OGFOD1: variants seen among roughly 807,000 people sequenced by gnomAD.
OGFOD1 encodes the protein 2-oxoglutarate and iron dependent oxygenase domain containing 1, also known as prolyl 3-hydroxylase OGFOD1.
OGFOD1 carries 54 observed loss-of-function variants against 67.7 expected under a neutral mutation model. The observed-to-expected ratio is 0.80, with a 90% CI of 0.64 to 1.00. OGFOD1 has a LOEUF of 1.00. Ranked by LOEUF, OGFOD1 falls within the 50% of genes least tolerant of loss-of-function variation. The pLI is 0.00. For missense variants in OGFOD1, 606 were observed against 646.7 expected, an observed-to-expected ratio of 0.94 and a Z score of 0.68; for synonymous variants, 221 against 227.0, an observed-to-expected ratio of 0.97 and a Z score of 0.24.
intron 3 of OGFOD1, among the ~76,000 whole-genome samples, chr16:56,461,949 C>T (rs945534175): frequency 1.4e-4 from 21 of 151,982 alleles, no homozygotes; most frequent in Admixed American, 2.0e-4. Flanking sequence ...AAAAATTAGC[C>T]GGGCGTGCTG....
intron 7 of OGFOD1, 57 bp from the exon 8 acceptor site, chr16:56,467,848 G>A: frequency 2.4e-6 from 2 of 842,130 alleles, no homozygotes; most frequent in Non-Finnish European, 4.2e-6. Flanking sequence ...AATGATGTAA[G>A]AGCAAAAGCA....
Position 56,465,859 on chromosome 16 carries a change from T to A in OGFOD1, c.449-293T>A, listed in dbSNP as rs142550597. Reference sequence around the variant, plus strand: ...AGACACTGTCGGATGCTATTTTTTTTAAAGTAAATACATATATGTAGGAAA... The same window carrying A: ...AGACACTGTCGGATGCTATTTTTTTAAAAGTAAATACATATATGTAGGAAA... On this transcript the variant is annotated intron_variant, in intron 4 of 12. Transcript: ENST00000566157. 79 of 255,134 alleles carry A rather than the reference T, an allele frequency of 3.1e-4. No individual in the cohort carries two copies. In the East Asian group the frequency reaches 3.2e-3, roughly 10 times the overall value. 15.8% of individuals were successfully genotyped at this position (255,134 alleles called of 1,614,324 possible).
intron 3 of OGFOD1, among the ~76,000 whole-genome samples, chr16:56,460,428 G>GGAT: frequency 6.6e-6 from 1 of 152,238 alleles, no homozygotes; most frequent in African/African-American, 2.4e-5. Flanking sequence ...AATGTTACCA[G>GGAT]TAAAGGATTT....
Position 56,462,519 on chromosome 16 carries a change from T to G in OGFOD1, c.348-15T>G. 1 of 1,545,138 alleles carries G rather than the reference T, an allele frequency of 6.5e-7. No individual in the cohort carries two copies. Among genetic ancestry groups the G allele is most frequent in the African/African-American group, 1.4e-5 (1 of 73,746 alleles). On this transcript the variant is annotated splice_polypyrimidine_tract_variant and intron_variant, in intron 3 of 12. Coordinates refer to ENST00000566157, the MANE Select transcript of OGFOD1 (RefSeq NM_018233.4). ...CACTGTGGCATAACAAGTTATCTTT[T>G]GTTTACATTTCTAGGAAAATTCTGT...
At chr16:56,469,816 C>T (rs554549896) in intron 8 of OGFOD1, among the ~76,000 whole-genome samples, 187 bp from the exon 9 acceptor site, 4 of 141,622 alleles carry the variant, frequency 2.8e-5, no homozygotes, top group African/African-American at 8.1e-5. Flanking sequence ...CGCCATTGTA[C>T]TCCAGCCTGG....
chr16:56,469,952 C>A, intron 8 of OGFOD1, 51 bp from the exon 9 acceptor site: 2 of 1,506,318 alleles, frequency 1.3e-6, no homozygotes. Context: ...CAAACCAGTG[C>A]GGGGTAATAG....
At chr16:56,469,611 T>C (rs527263568) in intron 8 of OGFOD1, among the ~76,000 whole-genome samples, 1 of 152,044 alleles carries the variant, frequency 6.6e-6, no homozygotes, top group Admixed American at 6.5e-5. Context: ...TCTCAACCCT[T>C]TGGGAATCCA....
At chr16:56,466,748 A>G (rs1962915780) in intron 5 of OGFOD1, 128 bp from the exon 6 acceptor site, 3 of 706,858 alleles carry the variant, frequency 4.2e-6, no homozygotes, top group South Asian at 3.3e-5. Flanking sequence ...GCAGATGGAA[A>G]GGGCGGTATT....
intron 3 of OGFOD1, among the ~76,000 whole-genome samples, chr16:56,460,666 T>C (rs1297609831): frequency 1.3e-5 from 2 of 152,206 alleles, no homozygotes; most frequent in Non-Finnish European, 2.9e-5. Flanking sequence ...GTTTTGATAG[T>C]GTATAATATA....
In OGFOD1 at chr16:56,470,045, C is replaced by T. The variant is rs1963094104; in HGVS notation, c.943C>T (p.His315Tyr). 1 of 1,613,988 alleles carries T rather than the reference C, an allele frequency of 6.2e-7. No homozygotes were observed. Among genetic ancestry groups the T allele is most frequent in the Non-Finnish European group, 8.5e-7 (1 of 1,179,996 alleles). Residue 315 changes from histidine (H) to tyrosine (Y), a missense_variant, in exon 9 of 13, where the codon CAT becomes TAT. Coordinates refer to ENST00000566157, the MANE Select transcript of OGFOD1 (RefSeq NM_018233.4). ...TKVCEALEHG[H>Y]VEWSSRGPPN... Reference sequence around the variant, plus strand: ...AGTCTGTGAGGCCTTGGAGCATGGACATGTGGAATGGAGCAGCCGAGGTCC... The same window carrying T: ...AGTCTGTGAGGCCTTGGAGCATGGATATGTGGAATGGAGCAGCCGAGGTCC...
At position 56,477,316 on chromosome 16, in the gene OGFOD1, G is replaced by A. The variant is rs1378683364; in HGVS notation, c.*1111G>A. 4.6e-5 allele frequency: 7 copies of A among 152,142 alleles called. No individual in the cohort carries two copies. Among genetic ancestry groups the A allele is most frequent in the African/African-American group, 1.2e-4 (5 of 41,414 alleles). 9.4% of individuals were successfully genotyped at this position (152,142 alleles called of 1,614,324 possible). ...TCCACCATGACTCTCACAGTACAGT[G>A]TAGGCTTAGTGTAGTATTATTCCCT... On this transcript the variant is annotated 3_prime_UTR_variant, in exon 13 of 13. Coordinates refer to ENST00000566157, the MANE Select transcript of OGFOD1 (RefSeq NM_018233.4).
chr16:56,475,012 G>T, intron 11 of OGFOD1, 62 bp downstream of exon 11: 6 of 1,564,632 alleles, frequency 3.8e-6, no homozygotes, highest in Non-Finnish European at 5.3e-6. Flanking sequence ...TCTTCTGAGG[G>T]ACCCTTTCCA....
In OGFOD1 at chr16:56,476,171, G is replaced by T; in HGVS notation, c.1595G>T (p.Gly532Val). The T allele has an allele frequency of 6.2e-7, 1 of 1,612,704 alleles. No homozygotes were observed. The highest frequency in any genetic ancestry group is 1.1e-5 in the South Asian group (1 of 90,988). ...AAGAAAACCTTCCCAAACAGAACAG[G>T]TTTCTGGGACTTTTCATTCATCTAT... ...EQKKTFPNRT[G>V]FWDFSFIYYE The change falls in exon 13 of 13, where the codon GGT (glycine) becomes GTT (valine). Residue 532 changes from glycine (G) to valine (V), a missense_variant. By Grantham distance (109) the Gly-to-Val change is moderately radical (BLOSUM62 -3). Transcript: ENST00000566157.
intron 8 of OGFOD1, among the ~76,000 whole-genome samples, chr16:56,469,791 G>A (rs1477320311): frequency 6.7e-6 from 1 of 149,802 alleles, no homozygotes; most frequent in Non-Finnish European, 1.5e-5. Flanking sequence ...TGGAGGTTGT[G>A]GTGGGCCGAG....
At chr16:56,458,705 C>T (rs569280760) in intron 3 of OGFOD1, 111 bp downstream of exon 3, 339 of 921,252 alleles carry the variant, frequency 3.7e-4, no homozygotes, top group Non-Finnish European at 5.3e-4. Flanking sequence ...ACATTGTTAA[C>T]CCACTTTGTA....
intron 10 of OGFOD1, among the ~76,000 whole-genome samples, chr16:56,472,137 A>ATT (rs111574935): frequency 1.4e-5 from 2 of 144,154 alleles, no homozygotes; most frequent in East Asian, 2.0e-4. Context: ...AATTTTCTTG[A>ATT]TTTTTTTTTT....
intron 9 of OGFOD1, 24 bp from the exon 10 acceptor site, chr16:56,470,463 C>A: frequency 6.3e-7 from 1 of 1,576,090 alleles, no homozygotes; most frequent in Non-Finnish European, 8.6e-7. Flanking sequence ...CTTTGATGAA[C>A]AACTTGACAT....
intron 3 of OGFOD1, 21 bp downstream of exon 3, chr16:56,458,615 G>C (rs1170026520): frequency 1.2e-6 from 2 of 1,601,464 alleles, no homozygotes; most frequent in South Asian, 2.2e-5. Context: ...AATCATATTT[G>C]TTGGGTGCTA....
chr16:56,460,632 C>T lies in OGFOD1; in HGVS notation c.348-1902C>T, dbSNP rs182658713. Reference sequence around the variant, plus strand: ...TTATGGAATGTTCTTTAAGCTTGTTCGCAGCTGATAATGGAATTTTTTGGT... The same window carrying T: ...TTATGGAATGTTCTTTAAGCTTGTTTGCAGCTGATAATGGAATTTTTTGGT... On this transcript the variant is annotated intron_variant, in intron 3 of 12. Coordinates refer to ENST00000566157, the MANE Select transcript of OGFOD1 (RefSeq NM_018233.4). 2.3e-4 allele frequency among the ~76,000 whole-genome samples: 35 copies of T among 152,144 alleles called. No individual in the cohort carries two copies. The East Asian group carries it at 5.8e-3, about 25-fold the overall frequency.
Sources: gnomAD v4.1 joint callset for allele counts (sites outside exome capture counted in the v4.1 genomes callset) on GRCh38, gnomAD v4.1.1 for gene constraint, MANE v1.5 for transcripts, NCBI Gene and HGNC (gene_info 2026-07-23, HGNC 2026-07-21) for gene names.